The following SLC24A2 variants were observed in gnomAD, a reference collection of about 807,000 sequenced individuals.
The protein encoded by SLC24A2 is solute carrier family 24 member 2, also known as sodium/potassium/calcium exchanger 2.
SLC24A2 carries 36 observed loss-of-function variants against 62.0 expected under a neutral mutation model. The observed-to-expected ratio is 0.58, with a 90% confidence interval of 0.44 to 0.77. SLC24A2 has a LOEUF of 0.77. SLC24A2 is among the 30% of genes least tolerant of loss of function. SLC24A2 has a pLI of 0.00. For missense variants in SLC24A2, 846 were observed against 817.9 expected (o/e 1.03, Z -0.42); for synonymous variants, 358 against 294.0 (o/e 1.22, Z -2.23).
At chr9:19,549,596 G>C (rs1013927045) in intron 8 of SLC24A2, among the ~76,000 whole-genome samples, 55 of 152,126 alleles carry the variant, frequency 3.6e-4, no homozygotes, top group African/African-American at 1.3e-3. Context: ...CACATGAAAA[G>C]GCCATGTTTA....
chr9:19,674,306 CTTAAGTT>C (rs1268744857), intron 2 of SLC24A2, among the ~76,000 whole-genome samples: 2 of 152,248 alleles, frequency 1.3e-5, no homozygotes, highest in Admixed American at 6.5e-5. Flanking sequence ...AAGATTCTTT[CTTAAGTT>C]TTGACTTTAG....
intron 2 of SLC24A2, among the ~76,000 whole-genome samples, chr9:19,739,846 A>C (rs1301646024): frequency 6.6e-6 from 1 of 152,212 alleles, no homozygotes; most frequent in Non-Finnish European, 1.5e-5. Flanking sequence ...ACTTTATATT[A>C]ACAAAGTCAC....
At chr9:19,544,058 G>A (rs373567713) in intron 8 of SLC24A2, among the ~76,000 whole-genome samples, 1 of 152,098 alleles carries the variant, frequency 6.6e-6, no homozygotes, top group Non-Finnish European at 1.5e-5. Flanking sequence ...TATTGTGTGG[G>A]AGTGTAAGTC....
chr9:20,247,413 T>G, the SLC24A2 span, among the ~76,000 whole-genome samples: 1 of 152,126 alleles, frequency 6.6e-6, no homozygotes, highest in Non-Finnish European at 1.5e-5. Context: ...ACCCCTAAGG[T>G]GATGGCATTA....
intron 5 of SLC24A2, among the ~76,000 whole-genome samples, chr9:19,582,779 C>T (rs1047251300): frequency 2.0e-5 from 3 of 152,100 alleles, no homozygotes; most frequent in Admixed American, 2.0e-4. Flanking sequence ...ACTGGTGTGG[C>T]ATCATGAAGT....
the SLC24A2 span, among the ~76,000 whole-genome samples, chr9:20,236,554 T>G: frequency 6.6e-6 from 1 of 152,196 alleles, no homozygotes; most frequent in African/African-American, 2.4e-5. Context: ...ATTTATCTTG[T>G]CCATGTTACT....
chr9:19,876,363 GGCGTGT>G, the SLC24A2 span, among the ~76,000 whole-genome samples: 5 of 114,576 alleles, frequency 4.4e-5, no homozygotes, highest in African/African-American at 1.7e-4. Flanking sequence ...GTTTATTGAA[GGCGTGT>G]GTGTGTGTGT....
chr9:19,636,310 T>TTTCTTTCTTTCTTTC (rs1213387858), intron 2 of SLC24A2, among the ~76,000 whole-genome samples: 1 of 34,182 alleles, frequency 2.9e-5, no homozygotes, highest in Non-Finnish European at 5.5e-5. Flanking sequence ...TTTTCTTTTC[T>TTTCTTTCTTTCTTTC]TTTCTTTTCT....
the SLC24A2 span, among the ~76,000 whole-genome samples, chr9:19,979,370 T>C: frequency 6.6e-6 from 1 of 152,118 alleles, no homozygotes; most frequent in Admixed American, 6.6e-5. Context: ...ATGGAACACA[T>C]CATCACAGGT....
rs528609519 is a variant in SLC24A2 at position 19,542,306 on chromosome 9, C to T, written c.1479+7831G>A. Among the ~76,000 whole-genome samples the T allele has an allele frequency of 3.3e-5, 5 of 152,294 alleles. No individual in the cohort carries two copies. In the East Asian group the frequency reaches 9.6e-4, roughly 29 times the overall value. Reference sequence around the variant, plus strand: ...CACATTGATATTGTATCCTGAGGTGCTGAAGTTGCTTATCAGCTTAAGGAG... The same window carrying T: ...CACATTGATATTGTATCCTGAGGTGTTGAAGTTGCTTATCAGCTTAAGGAG... On this transcript the variant is annotated intron_variant, in intron 8 of 10. Coordinates refer to ENST00000341998, the MANE Select transcript of SLC24A2 (RefSeq NM_020344.4).
chr9:19,750,670 T>C (rs1821956284), intron 2 of SLC24A2, among the ~76,000 whole-genome samples: 1 of 152,134 alleles, frequency 6.6e-6, no homozygotes. Flanking sequence ...ATTTCTAAAG[T>C]ACCTCAGCAG....
chr9:20,138,798 T>C, the SLC24A2 span, among the ~76,000 whole-genome samples: 2 of 152,182 alleles, frequency 1.3e-5, no homozygotes, highest in East Asian at 3.9e-4. Context: ...GGAGGTGACA[T>C]GTCTGTGTCG....
At chr9:20,050,077 A>C in the SLC24A2 span, among the ~76,000 whole-genome samples, 9 of 152,104 alleles carry the variant, frequency 5.9e-5, no homozygotes, top group African/African-American at 2.2e-4. Context: ...ATCTGTTATC[A>C]ACAAGCCAAG....
chr9:19,928,352 C>A, the SLC24A2 span: 1 of 152,182 alleles, frequency 6.6e-6, no homozygotes, highest in Non-Finnish European at 1.5e-5. Flanking sequence ...ATGATGTATA[C>A]AGCTAGAGTC....
At chr9:19,978,246 T>G in the SLC24A2 span, among the ~76,000 whole-genome samples, 18 of 152,226 alleles carry the variant, frequency 1.2e-4, no homozygotes, top group Non-Finnish European at 2.2e-4. Flanking sequence ...TGTTATCACC[T>G]GCATCATATG....
intron 2 of SLC24A2, among the ~76,000 whole-genome samples, chr9:19,710,458 T>G (rs1208443031): frequency 6.6e-6 from 1 of 151,962 alleles, no homozygotes; most frequent in Non-Finnish European, 1.5e-5. Flanking sequence ...ACATCTACAT[T>G]GAGATATAAT....
chr9:20,227,640 T>G, the SLC24A2 span, among the ~76,000 whole-genome samples: 1 of 151,980 alleles, frequency 6.6e-6, no homozygotes, highest in African/African-American at 2.4e-5. Context: ...GTGTCTCTTC[T>G]GCCCTTCTAT....
At chr9:19,971,097 C>T in the SLC24A2 span, among the ~76,000 whole-genome samples, 3 of 152,288 alleles carry the variant, frequency 2.0e-5, no homozygotes, top group South Asian at 4.1e-4. Flanking sequence ...TTGTTCTTGT[C>T]CTCTACCATA....
the SLC24A2 span, among the ~76,000 whole-genome samples, chr9:20,024,790 AGAG>A: frequency 6.6e-6 from 1 of 152,186 alleles, no homozygotes; most frequent in East Asian, 1.9e-4. Context: ...AGGCCATAGA[AGAG>A]GACTAGTCCC....
Sources: gnomAD v4.1 joint callset for allele counts (sites outside exome capture counted in the v4.1 genomes callset) on GRCh38, gnomAD v4.1.1 for gene constraint, MANE v1.5 for transcripts, NCBI Gene and HGNC (gene_info 2026-07-23, HGNC 2026-07-21) for gene names.